The following RBX1 variants were observed in gnomAD, a reference collection of about 807,000 sequenced individuals.
RBX1 encodes the protein ring-box 1, also known as E3 ubiquitin-protein ligase RBX1.
For synonymous variants in RBX1, 48 were observed against 47.9 expected (o/e 1.00, Z -0.01); for missense variants, 46 against 141.4 (o/e 0.33, Z 3.42).
intron 2 of RBX1, among the ~76,000 whole-genome samples, chr22:40,955,568 G>A (rs2058323197): frequency 6.6e-6 from 1 of 152,022 alleles, no homozygotes; most frequent in Non-Finnish European, 1.5e-5. Flanking sequence ...TTGAAATTCT[G>A]TGTATTTTAC....
At chr22:40,962,400 G>A (rs532458458) in intron 2 of RBX1, among the ~76,000 whole-genome samples, 2 of 151,454 alleles carry the variant, frequency 1.3e-5, no homozygotes, top group Non-Finnish European at 2.9e-5. Context: ...CCACATTTTC[G>A]AAGAGTGAAA....
At chr22:40,959,242 T>C (rs540238670) in intron 2 of RBX1, among the ~76,000 whole-genome samples, 1 of 152,334 alleles carries the variant, frequency 6.6e-6, no homozygotes, top group South Asian at 2.1e-4. Context: ...AATCACATGA[T>C]AGGCTTCTGC....
At chr22:40,951,895 C>T (rs73885713) in intron 1 of RBX1, among the ~76,000 whole-genome samples, 3,520 of 152,106 alleles carry the variant, frequency 0.023, 178 homozygotes, top group East Asian at 0.2. Context: ...TGAGGTCCTA[C>T]CGCATTAGAG....
chr22:40,972,308 G>A (rs1417662928), intron 4 of RBX1, among the ~76,000 whole-genome samples, 168 bp from the exon 5 acceptor site: 2 of 152,210 alleles, frequency 1.3e-5, no homozygotes, highest in African/African-American at 4.8e-5. Context: ...GGAGGGGAAA[G>A]GGGAATCACA....
At chr22:40,962,206 A>G (rs1309249612) in intron 2 of RBX1, among the ~76,000 whole-genome samples, 2 of 151,904 alleles carry the variant, frequency 1.3e-5, no homozygotes, top group Non-Finnish European at 2.9e-5. Context: ...GGTTCAAGCA[A>G]TTCTCCTACC....
intron 1 of RBX1, among the ~76,000 whole-genome samples, chr22:40,952,590 T>C (rs897966536): frequency 2.6e-5 from 4 of 152,190 alleles, no homozygotes; most frequent in African/African-American, 9.7e-5. Flanking sequence ...TTGGGAGTAT[T>C]TGTAATTGAG....
rs754740866 is a variant in RBX1, at chr22:40,953,563, A to T, written c.87A>T (p.Ala29=). The T allele has an allele frequency of 1.2e-5, 19 of 1,609,194 alleles. No individual in the cohort carries two copies. The highest frequency in any genetic ancestry group is 1.6e-5 in the Non-Finnish European group (19 of 1,176,084). ...KKRFEVKKWN[A]VALWAWDIVV... is the part of the protein sequence containing the mutation. Reference sequence around the variant, plus strand: ...TCTTTTTGTCTTTGCAGTGGAATGCAGTAGCCCTCTGGGCCTGGGATATTG... The same window carrying T: ...TCTTTTTGTCTTTGCAGTGGAATGCTGTAGCCCTCTGGGCCTGGGATATTG... Residue 29 remains alanine (A), a synonymous_variant, in exon 2 of 5, where the codon GCA becomes GCT. Coordinates refer to ENST00000216225, the MANE Select transcript of RBX1 (RefSeq NM_014248.4).
At chr22:40,965,027 G>A (rs978928026) in intron 3 of RBX1, among the ~76,000 whole-genome samples, 10 of 152,148 alleles carry the variant, frequency 6.6e-5, no homozygotes, top group Non-Finnish European at 1.2e-4. Context: ...TAAATAGGCC[G>A]GACGCGGTGG....
At chr22:40,963,524 T>A (rs2058346434) in intron 2 of RBX1, among the ~76,000 whole-genome samples, 1 of 152,002 alleles carries the variant, frequency 6.6e-6, no homozygotes, top group African/African-American at 2.4e-5. Context: ...TAATTCCAGC[T>A]ACTTGGGAGT....
At chr22:40,972,396 C>A in intron 4 of RBX1, 80 bp from the exon 5 acceptor site, 1 of 1,099,538 alleles carries the variant, frequency 9.1e-7, no homozygotes. Context: ...ACTAAAGTTG[C>A]TTATGTGTTT....
intron 4 of RBX1, 56 bp from the exon 5 acceptor site, chr22:40,972,420 G>A (rs1286873104): frequency 3.3e-5 from 48 of 1,458,938 alleles, no homozygotes; most frequent in Middle Eastern, 3.5e-4. Context: ...CAGGTTTTAT[G>A]TCTCAAACAG....
intron 3 of RBX1, among the ~76,000 whole-genome samples, chr22:40,965,679 C>T (rs147398114): frequency 7.0e-4 from 107 of 152,122 alleles, no homozygotes; most frequent in African/African-American, 2.5e-3. Context: ...GACCTTGGGG[C>T]GATCTGCCAG....
chr22:40,963,151 A>G (rs991777303), intron 2 of RBX1, among the ~76,000 whole-genome samples: 6 of 151,890 alleles, frequency 4.0e-5, no homozygotes, highest in South Asian at 2.1e-4. Flanking sequence ...TAGTTTTACT[A>G]TTTTTCACCT....
intron 4 of RBX1, among the ~76,000 whole-genome samples, chr22:40,968,122 G>A (rs902747173): frequency 1.6e-5 from 2 of 125,226 alleles, no homozygotes; most frequent in Non-Finnish European, 3.2e-5. Context: ...ACGGAGTCTC[G>A]CTTTGTTGCC....
At chr22:40,963,792 G>A (rs1200610283) in intron 2 of RBX1, among the ~76,000 whole-genome samples, 1 of 152,188 alleles carries the variant, frequency 6.6e-6, no homozygotes, top group Non-Finnish European at 1.5e-5. Context: ...GCTGCAGTGA[G>A]CCATGCTCAT....
At chr22:40,967,978 GT>G in intron 4 of RBX1, 94 bp downstream of exon 4, 5 of 688,754 alleles carry the variant, frequency 7.3e-6, no homozygotes, top group Non-Finnish European at 1.2e-5. Context: ...TACATGCCTT[GT>G]TTTTTTTAAA....
chr22:40,953,642 T>C lies in RBX1; in HGVS notation c.157+9T>C, dbSNP rs781064170. Reference sequence around the variant, plus strand: ...CCACATTATGGATCTTTGTAAGTAATTGGAGGAGGATGGGAGGAAGTTGAG... The same window carrying C: ...CCACATTATGGATCTTTGTAAGTAACTGGAGGAGGATGGGAGGAAGTTGAG... On this transcript the variant is annotated intron_variant, in intron 2 of 4. Transcript: ENST00000216225. The C allele has an allele frequency of 3.2e-6, 5 of 1,585,548 alleles. No homozygotes were observed. In the Admixed American group the frequency reaches 8.4e-5, roughly 27 times the overall value.
chr22:40,951,560 G>A, intron 1 of RBX1, 84 bp downstream of exon 1: 1 of 1,339,214 alleles, frequency 7.5e-7, no homozygotes, highest in Non-Finnish European at 1.0e-6. Context: ...GAGGCGCGGA[G>A]TAAAGGGTTT....
chr22:40,954,129 C>G (rs2058318648), intron 2 of RBX1, among the ~76,000 whole-genome samples: 1 of 151,948 alleles, frequency 6.6e-6, no homozygotes, highest in Non-Finnish European at 1.5e-5. Flanking sequence ...ATTAGCTGGG[C>G]GTACTGGTGC....
Sources: gnomAD v4.1 joint callset for allele counts (sites outside exome capture counted in the v4.1 genomes callset) on GRCh38, gnomAD v4.1.1 for gene constraint, MANE v1.5 for transcripts, NCBI Gene and HGNC (gene_info 2026-07-23, HGNC 2026-07-21) for gene names.